The following STEAP1B variants were observed in gnomAD, a reference collection of about 807,000 sequenced individuals.
The protein encoded by STEAP1B is STEAP family protein MGC87042.
In STEAP1B, 13 loss-of-function variants were observed where a neutral mutation model predicts 27.9. The ratio of observed to expected loss-of-function variants is 0.47; its 90% confidence interval spans 0.30 to 0.74. The LOEUF is 0.74. STEAP1B is among the 30% of genes least tolerant of loss of function. The pLI is 0.06. For missense variants in STEAP1B, 250 were observed against 298.7 expected, an observed-to-expected ratio of 0.84 and a Z score of 1.20; for synonymous variants, 86 against 107.1, an observed-to-expected ratio of 0.80 and a Z score of 1.22.
In STEAP1B at chr7:22,431,678, T is replaced by C. The variant is rs542691801; in HGVS notation, c.763-11842A>G. 7.9e-5 allele frequency among the ~76,000 whole-genome samples: 12 copies of C among 152,356 alleles called. No homozygotes were observed. The South Asian group carries it at 2.1e-3, about 26-fold the overall frequency. ...CTCCAGCTTTTTGATTTCTGACTTA[T>C]AGCTGAATTTGATCTTGGGAACACC... On this transcript the variant is annotated intron_variant, in intron 4 of 4. Transcript: ENST00000678116.
chr7:22,477,873 G>A (rs1785999419), intron 4 of STEAP1B, among the ~76,000 whole-genome samples: 1 of 152,074 alleles, frequency 6.6e-6, no homozygotes, highest in Non-Finnish European at 1.5e-5. Flanking sequence ...TAGACCTGTG[G>A]GTCCCATGAG....
intron 4 of STEAP1B, among the ~76,000 whole-genome samples, chr7:22,473,000 T>C (rs978639707): frequency 7.2e-5 from 11 of 152,192 alleles, no homozygotes; most frequent in African/African-American, 2.7e-4. Context: ...GTAGTGCCTA[T>C]GCCTAGTGCT....
chr7:22,456,972 A>ATATATATATATATATTTTTTTTTTTTTT, intron 4 of STEAP1B, among the ~76,000 whole-genome samples: 2 of 57,070 alleles, frequency 3.5e-5, no homozygotes, highest in Admixed American at 2.0e-4. Context: ...ATATATATAT[A>ATATATATATATATATTTTTTTTTTTTTT]TTTTTTTTTT....
chr7:22,445,605 C>T (rs546241133), intron 4 of STEAP1B, among the ~76,000 whole-genome samples: 4 of 152,264 alleles, frequency 2.6e-5, no homozygotes, highest in Non-Finnish European at 2.9e-5. Context: ...CTGGGCCTGG[C>T]TTCCCGCCCT....
chr7:22,451,708 C>A (rs1468993848), intron 4 of STEAP1B, among the ~76,000 whole-genome samples: 1 of 152,186 alleles, frequency 6.6e-6, no homozygotes, highest in Non-Finnish European at 1.5e-5. Flanking sequence ...GTATGTTGAA[C>A]AATCCTTGCA....
At position 22,431,481 on chromosome 7, in the gene STEAP1B, T is replaced by C. The variant is rs138372546; in HGVS notation, c.763-11645A>G. On this transcript the variant is annotated intron_variant, in intron 4 of 4. Coordinates refer to ENST00000678116, the MANE Select transcript of STEAP1B (RefSeq NM_001382447.1). The stretch of plus-strand genomic sequence containing the variant: ...TAAACCAAGCGCTGTGGCCTGGCGA[T>C]GAAGTATGTTGATTGAAGATCAGCT... Among the ~76,000 whole-genome samples the C allele has an allele frequency of 1.8e-4, 28 of 152,296 alleles. 1 individual carries two copies. The East Asian group carries it at 5.4e-3, about 29-fold the overall frequency.
chr7:22,483,311 C>G (rs192700250), intron 4 of STEAP1B, among the ~76,000 whole-genome samples: 1 of 152,066 alleles, frequency 6.6e-6, no homozygotes, highest in African/African-American at 2.4e-5. Flanking sequence ...TTTAACAGAT[C>G]GTTATTCCAC....
chr7:22,469,928 A>G (rs559032821), intron 4 of STEAP1B, among the ~76,000 whole-genome samples: 14 of 152,228 alleles, frequency 9.2e-5, no homozygotes, highest in Non-Finnish European at 1.8e-4. Flanking sequence ...GTTAGTTATC[A>G]TGCTGACTCA....
At chr7:22,453,540 TTTTAA>T (rs1785524219) in intron 4 of STEAP1B, among the ~76,000 whole-genome samples, 2 of 152,270 alleles carry the variant, frequency 1.3e-5, no homozygotes, top group Non-Finnish European at 2.9e-5. Flanking sequence ...TTTCTGTGAC[TTTTAA>T]TTTATGTTAC....
intron 4 of STEAP1B, among the ~76,000 whole-genome samples, chr7:22,450,794 T>C (rs1785474926): frequency 6.6e-6 from 1 of 152,232 alleles, no homozygotes; most frequent in Admixed American, 6.5e-5. Flanking sequence ...TGAATATTTT[T>C]CTATTTTGGG....
chr7:22,442,494 G>A (rs946508344), intron 4 of STEAP1B, among the ~76,000 whole-genome samples: 1 of 152,256 alleles, frequency 6.6e-6, no homozygotes, highest in African/African-American at 2.4e-5. Context: ...CTGCAAGTTG[G>A]GCCTCAAGGA....
At chr7:22,479,702 T>TTTTTTTTTTTTA (rs1786035087) in intron 4 of STEAP1B, among the ~76,000 whole-genome samples, 1 of 144,144 alleles carries the variant, frequency 6.9e-6, no homozygotes, top group African/African-American at 2.6e-5. Context: ...TTTTTTTTTC[T>TTTTTTTTTTTTA]GAGATAGACT....
intron 4 of STEAP1B, among the ~76,000 whole-genome samples, chr7:22,455,723 CA>C (rs1386872873): frequency 2.6e-5 from 4 of 152,150 alleles, no homozygotes; most frequent in African/African-American, 9.7e-5. Context: ...CTGTGTCTTC[CA>C]ATGTGCTATT....
chr7:22,486,919 C>T (rs927768657), intron 4 of STEAP1B, among the ~76,000 whole-genome samples: 13 of 152,244 alleles, frequency 8.5e-5, no homozygotes, highest in Non-Finnish European at 1.8e-4. Context: ...AGTGCTTTCC[C>T]CAGGAAGGTG....
At chr7:22,480,317 A>G (rs764784472) in intron 4 of STEAP1B, among the ~76,000 whole-genome samples, 6 of 152,190 alleles carry the variant, frequency 3.9e-5, no homozygotes, top group African/African-American at 1.4e-4. Context: ...TTTCTTTTGA[A>G]AGCTTTAAGT....
rs34514955 is a variant in STEAP1B at position 22,493,678 on chromosome 7, C to T, written c.243G>A (p.Met81Ile). The T allele has an allele frequency of 6.2e-7, 1 of 1,613,982 alleles. No individual in the cohort carries two copies. Among genetic ancestry groups the T allele is most frequent in the Non-Finnish European group, 8.5e-7 (1 of 1,179,876 alleles). Residue 81 changes from methionine (M) to isoleucine (I), a missense_variant, in exon 3 of 5, where the codon ATG (methionine) becomes ATA (isoleucine). Coordinates refer to ENST00000678116, the MANE Select transcript of STEAP1B (RefSeq NM_001382447.1). ...WHLPIKIAAV[M>I]ASLTFLYTLL... ...GAGTGTAAAGAAAAGTCAGAGATGCCATAACAGCAGCTATTTTAATTGGCA... is the reference window on the plus strand; with the variant it reads ...GAGTGTAAAGAAAAGTCAGAGATGCTATAACAGCAGCTATTTTAATTGGCA...
chr7:22,426,033 C>G (rs1320377242), intron 4 of STEAP1B, among the ~76,000 whole-genome samples: 1 of 152,134 alleles, frequency 6.6e-6, no homozygotes, highest in Admixed American at 6.5e-5. Context: ...CTAGGAACAT[C>G]TGTACCATTA....
intron 3 of STEAP1B, among the ~76,000 whole-genome samples, 154 bp from the exon 4 acceptor site, chr7:22,492,883 A>T (rs907311218): frequency 2.2e-4 from 33 of 151,960 alleles, no homozygotes; most frequent in Non-Finnish European, 4.0e-4. Flanking sequence ...GCATTCCTCT[A>T]AGACAAATGA....
At chr7:22,482,657 A>C (rs1372108497) in intron 4 of STEAP1B, among the ~76,000 whole-genome samples, 1 of 152,190 alleles carries the variant, frequency 6.6e-6, no homozygotes, top group Non-Finnish European at 1.5e-5. Context: ...GATGCTGTTC[A>C]TGGGCAAAGG....
Sources: allele counts gnomAD v4.1 joint callset (sites outside exome capture counted in the v4.1 genomes callset), GRCh38; gene constraint gnomAD v4.1.1; transcripts MANE v1.5; gene names NCBI Gene and HGNC (gene_info 2026-07-23, HGNC 2026-07-21).